The following PHKA2 variants were observed in gnomAD, a reference collection of about 807,000 sequenced individuals.
The protein encoded by PHKA2 is phosphorylase b kinase regulatory subunit alpha, liver isoform.
In PHKA2, 31 loss-of-function variants were observed where a neutral mutation model predicts 102.0. The ratio of observed to expected loss-of-function variants is 0.30; its 90% CI spans 0.23 to 0.41. PHKA2 has a LOEUF of 0.41. Ranked by LOEUF, PHKA2 falls within the 10% of genes least tolerant of loss-of-function variation. The pLI is 1.00. For missense variants in PHKA2, 858 were observed against 1,023.1 expected (o/e 0.84, Z 2.20); for synonymous variants, 455 against 416.2 (o/e 1.09, Z -1.13).
intron 28 of PHKA2, among the ~76,000 whole-genome samples, chrX:18,900,114 CTGGGCAACATG>C (rs2047652871): frequency 9.0e-6 from 1 of 111,618 alleles, no homozygotes; most frequent in Admixed American, 9.5e-5. Context: ...TGTTTTACCT[CTGGGCAACATG>C]TGGAATCGGC....
At chrX:18,945,913 T>C (rs938706503) in intron 5 of PHKA2, among the ~76,000 whole-genome samples, 15 of 111,656 alleles carry the variant, frequency 1.3e-4, no homozygotes, top group African/African-American at 4.9e-4. Context: ...CAAAAAAGAA[T>C]ATTTTCTTTT....
At chrX:18,907,811 T>C (rs746080314) in intron 22 of PHKA2, 89 bp downstream of exon 22, 1 of 991,566 alleles carries the variant, frequency 1.0e-6, no homozygotes, top group East Asian at 3.1e-5. Flanking sequence ...CCTTCACAAG[T>C]AAGAGGTATA....
chrX:18,902,564 C>G (rs1489952843), intron 26 of PHKA2, among the ~76,000 whole-genome samples: 1 of 106,631 alleles, frequency 9.4e-6, no homozygotes, highest in African/African-American at 3.4e-5. Context: ...GATTTCGAGA[C>G]CAGCCTGACC....
Position 18,924,364 on chromosome X carries a change from G to T in PHKA2, c.1714+17C>A, listed in dbSNP as rs2048176164. The T allele has an allele frequency of 2.5e-6, 3 of 1,207,315 alleles. No homozygotes were observed. Among genetic ancestry groups the T allele is most frequent in the Admixed American group, 2.2e-5 (1 of 45,678 alleles). ...CCCCTGGGGCAGGAGGGAGCCTGCT[G>T]AAATCCCTGGAGTTACTGAGCATGG... is the stretch of plus-strand genomic sequence containing the variant. On this transcript the variant is annotated intron_variant, in intron 16 of 32. Transcript: ENST00000379942.
intron 26 of PHKA2, among the ~76,000 whole-genome samples, chrX:18,903,914 C>G (rs994405340): frequency 8.9e-6 from 1 of 111,887 alleles, no homozygotes; most frequent in Non-Finnish European, 1.9e-5. Flanking sequence ...CCAGCATCAC[C>G]TGAAACTCTA....
chrX:18,952,619 G>T, intron 2 of PHKA2, 78 bp from the exon 3 acceptor site: 3 of 1,000,344 alleles, frequency 3.0e-6, no homozygotes, highest in South Asian at 2.0e-5. Flanking sequence ...CACTGTGGCT[G>T]GCAAGCCAGT....
chrX:18,974,769 A>G (rs2049062733), intron 1 of PHKA2, among the ~76,000 whole-genome samples: 1 of 110,906 alleles, frequency 9.0e-6, no homozygotes, highest in Non-Finnish European at 1.9e-5. Flanking sequence ...CCTAACCCTT[A>G]TGACCTAATC....
chrX:18,983,879 C>G lies in PHKA2; in HGVS notation c.54G>C (p.Val18=), dbSNP rs1009723523. 5.8e-6 allele frequency: 7 copies of G among 1,210,269 alleles called. No individual in the cohort carries two copies. The highest frequency in any genetic ancestry group is 6.7e-6 in the Non-Finnish European group (6 of 894,708). Residue 18 remains valine (V), a synonymous_variant, in exon 1 of 33, where the codon GTG becomes GTC. Transcript: ENST00000379942. The stretch of plus-strand genomic sequence containing the variant: ...CCTGGTAACACAGGATGGTTTGCTG[C>G]ACCAGCCGCGCGTACCCGTCCAAGC... The part of the protein sequence containing the change: ...GVRLDGYARL[V]QQTILCYQNP...
chrX:18,938,774 T>A (rs1321373379), intron 9 of PHKA2, 25 bp from the exon 10 acceptor site: 2 of 1,180,556 alleles, frequency 1.7e-6, no homozygotes, highest in Non-Finnish European at 2.3e-6. Flanking sequence ...GTCAAACTTT[T>A]AAAAGGTGAT....
At chrX:18,974,359 C>T (rs1454115499) in intron 1 of PHKA2, among the ~76,000 whole-genome samples, 2 of 111,538 alleles carry the variant, frequency 1.8e-5, no homozygotes, top group Admixed American at 1.9e-4. Context: ...TTATACTCCA[C>T]ATAAACTGTC....
At chrX:18,894,935 G>C (rs1247102545) in intron 31 of PHKA2, 1 of 468,588 alleles carries the variant, frequency 2.1e-6, no homozygotes, top group African/African-American at 2.4e-5. Flanking sequence ...CTGAGTCTCA[G>C]GTGAAGAAAA....
Position 18,908,904 on chromosome X carries a change from C to T in PHKA2, c.2257G>A (p.Asp753Asn), listed in dbSNP as rs148440259. Residue 753 changes from aspartate to asparagine, a missense_variant, in exon 21 of 33, where the codon GAT (aspartate) becomes AAT (asparagine). Transcript: ENST00000379942. ...TCACAGTCCACGTCACCATGGTCATCTCTGGGCCACTGAAAGTCACTTTCA... is the reference window on the plus strand; with the variant it reads ...TCACAGTCCACGTCACCATGGTCATTTCTGGGCCACTGAAAGTCACTTTCA... The part of the protein sequence containing the change: ...VPESDFQWPR[D>N]DHGDVDCEKL... 2.2e-5 allele frequency: 27 copies of T among 1,207,158 alleles called. No homozygotes were observed. The African/African-American group carries it at 3.5e-4, about 16-fold the overall frequency.
Position 18,908,941 on chromosome X carries a change from A to T in PHKA2, c.2227-7T>A. 1.7e-6 allele frequency: 2 copies of T among 1,211,005 alleles called. No homozygotes were observed. Among genetic ancestry groups the T allele is most frequent in the Non-Finnish European group, 2.2e-6 (2 of 894,783 alleles). On this transcript the variant is annotated splice_region_variant and splice_polypyrimidine_tract_variant and intron_variant, in intron 20 of 32. Coordinates refer to ENST00000379942, the MANE Select transcript of PHKA2 (RefSeq NM_000292.3). ...GAAAGTCACTTTCAGGAACCTGTTCATACAAGAGCCAGAAAGCAGGGAGAT... is the reference window on the plus strand; with the variant it reads ...GAAAGTCACTTTCAGGAACCTGTTCTTACAAGAGCCAGAAAGCAGGGAGAT...
chrX:18,937,268 G>A lies in PHKA2; in HGVS notation c.1042-1118C>T, dbSNP rs183249951. Reference sequence around the variant, plus strand: ...AGACAGGTCGGTTCTGTTCAACAAAGTATGCTCAGGGCTCAGCACAGAGCA... The same window carrying A: ...AGACAGGTCGGTTCTGTTCAACAAAATATGCTCAGGGCTCAGCACAGAGCA... On this transcript the variant is annotated intron_variant, in intron 10 of 32. Coordinates refer to ENST00000379942, the MANE Select transcript of PHKA2 (RefSeq NM_000292.3). Among the ~76,000 whole-genome samples, 693 of 110,217 alleles carry A rather than the reference G, an allele frequency of 6.3e-3. 2 individuals carry two copies. Among genetic ancestry groups the A allele is most frequent in the Non-Finnish European group, 8.9e-3 (469 of 52,924 alleles).
In PHKA2 at chrX:18,893,058, C is replaced by T. The variant is rs1181582731; in HGVS notation, c.*427G>A. The T allele has an allele frequency of 8.1e-5, 16 of 197,597 alleles. No individual in the cohort carries two copies. The East Asian group carries it at 1.8e-3, about 22-fold the overall frequency. The allele number at this position is 197,597 out of a possible 1,213,427, so 16.3% of individuals were successfully genotyped here. A position where few individuals can be genotyped will look rare whatever the true frequency, so the allele number is the denominator to read the frequency against. The stretch of plus-strand genomic sequence containing the variant: ...TGTGAAGAGGTGGCCCTTGTCAAGG[C>T]TACTGCCGCCAGGAGGATCTTTGCA... On this transcript the variant is annotated 3_prime_UTR_variant, in exon 33 of 33. Coordinates refer to ENST00000379942, the MANE Select transcript of PHKA2 (RefSeq NM_000292.3).
chrX:18,940,691 G>A (rs1020654500), intron 8 of PHKA2, among the ~76,000 whole-genome samples: 7 of 111,734 alleles, frequency 6.3e-5, no homozygotes, highest in Admixed American at 9.5e-5. Context: ...CTCCAGTTCC[G>A]TAAGTATGTG....
rs1304355741 is a variant in PHKA2 at position 18,940,032 on chromosome X, C to G, written c.881G>C (p.Cys294Ser). 8.4e-7 allele frequency: 1 copy of G among 1,194,514 alleles called. No homozygotes were observed. The highest frequency in any genetic ancestry group is 1.1e-6 in the Non-Finnish European group (1 of 881,051). ...ISKLQGRYGC[C>S]RFLRDGYKTP... ...TTTATAACCATCTCGAAGGAAGCGA[C>G]AGCATCCATAACGCCCCTAATAAGA... Residue 294 changes from cysteine (C) to serine (S), a missense_variant, in exon 9 of 33, where the codon TGT (cysteine) becomes TCT (serine). Around this residue, in one of 2 missense-constraint regions of PHKA2, gnomAD observed 187 missense variants for 277.9 expected, o/e 0.67. Coordinates refer to ENST00000379942, the MANE Select transcript of PHKA2 (RefSeq NM_000292.3).
chrX:18,940,046 C>A lies in PHKA2; in HGVS notation c.867G>T (p.Gly289=). ...TKNEIISKLQ[G]RYGCCRFLRD... is the part of the protein sequence containing the mutation. Reference sequence around the variant, plus strand: ...GAAGGAAGCGACAGCATCCATAACGCCCCTAATAAGAGAAAGTACATTCGA... The same window carrying A: ...GAAGGAAGCGACAGCATCCATAACGACCCTAATAAGAGAAAGTACATTCGA... Residue 289 remains glycine (G), a splice_region_variant and synonymous_variant, in exon 9 of 33, where the codon GGG becomes GGT. Coordinates refer to ENST00000379942, the MANE Select transcript of PHKA2 (RefSeq NM_000292.3). 8.4e-7 allele frequency: 1 copy of A among 1,192,416 alleles called. No individual in the cohort carries two copies. The highest frequency in any genetic ancestry group is 1.8e-5 in the South Asian group (1 of 56,536).
chrX:18,947,133 C>A (rs1224998502), intron 5 of PHKA2, among the ~76,000 whole-genome samples: 2 of 111,961 alleles, frequency 1.8e-5, no homozygotes, highest in Non-Finnish European at 3.8e-5. Flanking sequence ...CAGAGCCATG[C>A]TCATTTATTT....
Sources: gnomAD v4.1 joint callset for allele counts (sites outside exome capture counted in the v4.1 genomes callset) on GRCh38, gnomAD v4.1.1 for gene constraint, gnomAD v4.1.1 regional missense constraint, MANE v1.5 for transcripts, NCBI Gene and HGNC (gene_info 2026-07-23, HGNC 2026-07-21) for gene names.